IRAK2: variants seen among roughly 807,000 people sequenced by gnomAD.
The protein encoded by IRAK2 is interleukin 1 receptor associated kinase 2.
In IRAK2, 57 loss-of-function variants were observed where a neutral mutation model predicts 72.0. The ratio of observed to expected loss-of-function variants is 0.79; its 90% CI spans 0.64 to 0.99. The LOEUF is 0.99. Ranked by LOEUF, IRAK2 falls within the 50% of genes least tolerant of loss-of-function variation. The pLI, the probability that IRAK2 is intolerant of heterozygous loss-of-function variation, is 0.00. For synonymous variants in IRAK2, 293 were observed against 312.7 expected (o/e 0.94, Z 0.67); for missense variants, 790 against 794.4 (o/e 0.99, Z 0.07).
Position 10,220,465 on chromosome 3 carries a change from G to A in IRAK2, c.1013+676G>A, listed in dbSNP as rs561429066. On this transcript the variant is annotated intron_variant, in intron 8 of 12. Transcript: ENST00000256458. ...CAATTTTTTTTTTGTTTTTTGAGAC[G>A]GAGTTTCACGCTTGTCACCCAGGCT... Among the ~76,000 whole-genome samples, 101 of 151,646 alleles carry A rather than the reference G, an allele frequency of 6.7e-4. 1 individual carries two copies. The Middle Eastern group carries it at 0.017, about 26-fold the overall frequency.
In IRAK2 at chr3:10,222,700, C is replaced by T. The variant is rs142881536; in HGVS notation, c.1078C>T (p.Pro360Ser). The T allele has an allele frequency of 3.7e-6, 6 of 1,614,186 alleles. No individual in the cohort carries two copies. In the South Asian group the frequency reaches 6.6e-5, roughly 18 times the overall value. Residue 360 changes from proline (P) to serine (S), a missense_variant, in exon 9 of 13, where the codon CCT becomes TCT. By Grantham distance (74) the Pro-to-Ser change is moderately conservative (BLOSUM62 -1). Transcript: ENST00000256458. ...KLAHPMAHLC[P>S]VNKRSKYTMM... ...TGCTCACCCAATGGCTCATCTGTGTCCTGTCAACAAAAGGTCAAAATACAC... is the reference window on the plus strand; with the variant it reads ...TGCTCACCCAATGGCTCATCTGTGTTCTGTCAACAAAAGGTCAAAATACAC...
Position 10,209,679 on chromosome 3 carries a change from C to T in IRAK2, c.515C>T (p.Ser172Leu), listed in dbSNP as rs200255937. The T allele has an allele frequency of 2.2e-5, 33 of 1,526,332 alleles. No homozygotes were observed. The East Asian group carries it at 2.8e-4, about 13-fold the overall frequency. 94.5% of individuals were successfully genotyped at this position (1,526,332 alleles called of 1,614,324 possible). Residue 172 changes from serine (S) to leucine (L), a missense_variant, in exon 4 of 13, where the codon TCG (serine) becomes TTG (leucine). Ser to Leu is a moderately radical substitution (Grantham distance 145, BLOSUM62 -2). Transcript: ENST00000256458. Reference sequence around the variant, plus strand: ...TCCTTGAGAAGCGACCTCCCCACTTCGTCTGATTCAAAGGTAAATCCACCC... The same window carrying T: ...TCCTTGAGAAGCGACCTCCCCACTTTGTCTGATTCAAAGGTAAATCCACCC... ...PHSLRSDLPTSSDSKDFSTSI... is the reference protein window; with the variant it reads ...PHSLRSDLPTLSDSKDFSTSI...
intron 6 of IRAK2, 104 bp from the exon 7 acceptor site, chr3:10,216,830 T>C (rs2302861): frequency 0.69 from 551,482 of 799,304 alleles, 200,521 homozygotes; most frequent in Non-Finnish European, 0.77. Context: ...TGGGAGGTTA[T>C]TGGTGGCGTT....
rs780541727 is a variant in IRAK2, at chr3:10,177,953, C to T, written c.210C>T (p.Thr70=). 2.0e-5 allele frequency: 32 copies of T among 1,613,620 alleles called. No individual in the cohort carries two copies. The highest frequency in any genetic ancestry group is 2.5e-5 in the Non-Finnish European group (29 of 1,180,008). The change falls in exon 2 of 13, where the codon ACC becomes ACT. Residue 70 remains threonine, a synonymous_variant. Transcript: ENST00000256458. ...GGTGGTGGGGCATGCGGCAGGCCAC[C>T]GTCCAGCAACTTGTGGACCTCCTGT... is the stretch of plus-strand genomic sequence containing the variant. ...LLWWWGMRQA[T]VQQLVDLLCR... is the part of the protein sequence containing the mutation.
intron 10 of IRAK2, among the ~76,000 whole-genome samples, chr3:10,229,019 C>T (rs1309180780): frequency 1.3e-5 from 2 of 151,762 alleles, no homozygotes; most frequent in East Asian, 3.9e-4. Flanking sequence ...CTGCAACCTC[C>T]ACCCCCCGGG....
intron 1 of IRAK2, among the ~76,000 whole-genome samples, chr3:10,168,840 C>T (rs560988758): frequency 3.9e-5 from 6 of 152,296 alleles, no homozygotes; most frequent in Admixed American, 3.9e-4. Flanking sequence ...GTGCTGTTCC[C>T]TCTGCCTGGG....
chr3:10,222,876 G>A, intron 9 of IRAK2, 45 bp downstream of exon 9: 1 of 1,548,472 alleles, frequency 6.5e-7, no homozygotes, highest in African/African-American at 1.4e-5. Context: ...ACCTTGATTT[G>A]TCCTTCCCAC....
chr3:10,207,045 G>T (rs1231792567), intron 3 of IRAK2, among the ~76,000 whole-genome samples: 1 of 151,910 alleles, frequency 6.6e-6, no homozygotes, highest in African/African-American at 2.4e-5. Context: ...TAGAGATGGG[G>T]TTTTACCATG....
chr3:10,200,588 C>T, intron 3 of IRAK2, 73 bp downstream of exon 3: 1 of 1,385,084 alleles, frequency 7.2e-7, no homozygotes, highest in Non-Finnish European at 9.7e-7. Context: ...TAAGGACATT[C>T]AGCTTAGCAT....
At chr3:10,201,818 C>T (rs1174094447) in intron 3 of IRAK2, among the ~76,000 whole-genome samples, 1 of 152,228 alleles carries the variant, frequency 6.6e-6, no homozygotes, top group Admixed American at 6.5e-5. Context: ...AATCTCAGTT[C>T]ACTGTTGCCG....
chr3:10,169,140 C>T (rs749354157), intron 1 of IRAK2, among the ~76,000 whole-genome samples: 3 of 151,916 alleles, frequency 2.0e-5, no homozygotes, highest in African/African-American at 4.8e-5. Flanking sequence ...GAGGGGTGTA[C>T]GAATAGGGAG....
At chr3:10,195,576 GAAGTT>G (rs1423073799) in intron 2 of IRAK2, among the ~76,000 whole-genome samples, 3 of 151,616 alleles carry the variant, frequency 2.0e-5, no homozygotes, top group East Asian at 1.9e-4. Flanking sequence ...ACAGGACACT[GAAGTT>G]AAGTAAGGCT....
chr3:10,225,934 C>T (rs1274086418), intron 9 of IRAK2, among the ~76,000 whole-genome samples: 2 of 152,226 alleles, frequency 1.3e-5, no homozygotes, highest in South Asian at 2.1e-4. Flanking sequence ...CTCCTGACCA[C>T]GTGATCCGCC....
At chr3:10,180,954 G>A (rs1696951067) in intron 2 of IRAK2, among the ~76,000 whole-genome samples, 1 of 152,158 alleles carries the variant, frequency 6.6e-6, no homozygotes, top group Non-Finnish European at 1.5e-5. Flanking sequence ...CGGGAATGGG[G>A]CGATCTGGCT....
At chr3:10,237,294 T>C (rs767638866) in intron 11 of IRAK2, among the ~76,000 whole-genome samples, 42 of 152,056 alleles carry the variant, frequency 2.8e-4, no homozygotes, top group Non-Finnish European at 5.3e-4. Flanking sequence ...ACTTTAGGTG[T>C]AAGAAGAGGT....
chr3:10,221,410 T>C (rs572832658), intron 8 of IRAK2, among the ~76,000 whole-genome samples: 156 of 151,054 alleles, frequency 1.0e-3, no homozygotes, highest in Non-Finnish European at 1.8e-3. Flanking sequence ...CCTGCCACCA[T>C]GCCCGGCTAA....
intron 6 of IRAK2, among the ~76,000 whole-genome samples, chr3:10,216,090 T>G (rs1697601393): frequency 6.6e-6 from 1 of 152,126 alleles, no homozygotes; most frequent in African/African-American, 2.4e-5. Context: ...ACAGCAGTCT[T>G]GGGGAGGCTG....
At chr3:10,238,357 G>A (rs1004908373) in intron 11 of IRAK2, among the ~76,000 whole-genome samples, 7 of 152,178 alleles carry the variant, frequency 4.6e-5, no homozygotes, top group African/African-American at 1.7e-4. Flanking sequence ...ACTGTAAATG[G>A]GTTTTCTGGG....
chr3:10,198,683 G>A (rs1271409741), intron 2 of IRAK2, among the ~76,000 whole-genome samples: 1 of 152,178 alleles, frequency 6.6e-6, no homozygotes, highest in East Asian at 1.9e-4. Context: ...TATTATTTTA[G>A]TTCAAAAGCT....
Sources: gnomAD v4.1 joint callset for allele counts (sites outside exome capture counted in the v4.1 genomes callset) on GRCh38, gnomAD v4.1.1 for gene constraint, MANE v1.5 for transcripts, NCBI Gene and HGNC (gene_info 2026-07-23, HGNC 2026-07-21) for gene names.